The following MACROD2 variants were observed in gnomAD, a reference collection of about 807,000 sequenced individuals.
MACROD2 encodes mono-ADP ribosylhydrolase 2.
In MACROD2, 36 loss-of-function variants were observed where a neutral mutation model predicts 70.4. The observed-to-expected ratio is 0.51, with a 90% CI of 0.39 to 0.68. The LOEUF (loss-of-function observed/expected upper bound fraction) is 0.68. Among genes scored for constraint, MACROD2 ranks in the 30% least tolerant of loss-of-function variants. The probability of loss-of-function intolerance (pLI) is 0.00; values close to 1 mark genes in which losing one functional copy is unlikely to be tolerated. For missense variants in MACROD2, 496 were observed against 538.4 expected (o/e 0.92, Z 0.78); for synonymous variants, 172 against 178.8 (o/e 0.96, Z 0.30).
At chr20:15,066,879 C>T (rs561546226) in intron 5 of MACROD2, among the ~76,000 whole-genome samples, 303 of 144,494 alleles carry the variant, frequency 2.1e-3, no homozygotes, top group Middle Eastern at 3.6e-3. Context: ...GAGACTCTGT[C>T]TCGAAAAAAA....
intron 6 of MACROD2, among the ~76,000 whole-genome samples, chr20:15,378,547 A>G (rs1243673943): frequency 1.3e-5 from 2 of 152,188 alleles, no homozygotes; most frequent in Non-Finnish European, 2.9e-5. Context: ...TTGTGCTCCA[A>G]TAAAGTCTAT....
At chr20:14,403,462 A>T (rs988744859) in intron 3 of MACROD2, among the ~76,000 whole-genome samples, 4 of 152,214 alleles carry the variant, frequency 2.6e-5, no homozygotes, top group African/African-American at 9.6e-5. Flanking sequence ...TATAAATGTG[A>T]AACTCTTCAG....
At chr20:15,817,796 T>A (rs1199641823) in intron 8 of MACROD2, among the ~76,000 whole-genome samples, 2 of 152,174 alleles carry the variant, frequency 1.3e-5, no homozygotes, top group African/African-American at 4.8e-5. Flanking sequence ...AATTGCAATT[T>A]TAATTGGGTT....
chr20:16,005,214 C>T (rs1044880331), intron 15 of MACROD2, among the ~76,000 whole-genome samples: 3 of 152,172 alleles, frequency 2.0e-5, no homozygotes, highest in Admixed American at 1.3e-4. Context: ...GCTCAACTTG[C>T]GGAAGTTCCC....
intron 3 of MACROD2, among the ~76,000 whole-genome samples, chr20:14,345,849 C>A (rs1450691543): frequency 6.6e-6 from 1 of 151,790 alleles, no homozygotes; most frequent in East Asian, 1.9e-4. Context: ...CACCTGTTAT[C>A]CCAGCACTTT....
At chr20:14,667,481 A>T (rs1440031987) in intron 4 of MACROD2, among the ~76,000 whole-genome samples, 1 of 152,164 alleles carries the variant, frequency 6.6e-6, no homozygotes, top group Non-Finnish European at 1.5e-5. Flanking sequence ...TAGGATGAGA[A>T]AGTTTGTACT....
intron 2 of MACROD2, among the ~76,000 whole-genome samples, chr20:14,040,766 A>T (rs2053379602): frequency 6.6e-6 from 1 of 152,236 alleles, no homozygotes; most frequent in Non-Finnish European, 1.5e-5. Context: ...ATTAGGCAGT[A>T]GGAATTTTTC....
intron 8 of MACROD2, among the ~76,000 whole-genome samples, chr20:15,751,308 A>G (rs2051265481): frequency 2.0e-5 from 3 of 152,056 alleles, no homozygotes; most frequent in South Asian, 2.1e-4. Context: ...TAAAACAATA[A>G]CATGATTCAG....
chr20:14,733,080 T>G (rs1403585647), intron 5 of MACROD2, among the ~76,000 whole-genome samples: 1 of 152,198 alleles, frequency 6.6e-6, no homozygotes, highest in East Asian at 1.9e-4. Flanking sequence ...TTATGTCTAC[T>G]TTCTTATGAA....
chr20:14,985,030 G>A (rs1017031872), intron 5 of MACROD2, among the ~76,000 whole-genome samples: 14 of 152,096 alleles, frequency 9.2e-5, no homozygotes, highest in Admixed American at 7.9e-4. Flanking sequence ...TACTTCACAC[G>A]GCCATTCTGA....
chr20:14,023,502 T>C (rs938268239), intron 2 of MACROD2, among the ~76,000 whole-genome samples: 3 of 152,206 alleles, frequency 2.0e-5, no homozygotes, highest in African/African-American at 7.2e-5. Flanking sequence ...GGTATTCTTC[T>C]AGGTTTTATT....
intron 3 of MACROD2, among the ~76,000 whole-genome samples, chr20:14,461,513 A>C (rs1280689774): frequency 2.1e-5 from 3 of 145,306 alleles, no homozygotes; most frequent in African/African-American, 7.7e-5. Context: ...TTTTTTTTTT[A>C]TTATACTTTA....
At chr20:14,354,601 G>T (rs1307369122) in intron 3 of MACROD2, among the ~76,000 whole-genome samples, 1 of 151,920 alleles carries the variant, frequency 6.6e-6, no homozygotes, top group Non-Finnish European at 1.5e-5. Flanking sequence ...TGTAGAATTG[G>T]GTCTTTTTCA....
chr20:15,441,103 C>T (rs1391879713), intron 7 of MACROD2, among the ~76,000 whole-genome samples: 1 of 152,144 alleles, frequency 6.6e-6, no homozygotes, highest in African/African-American at 2.4e-5. Context: ...GGAGAGACAA[C>T]TTGACAGACA....
At chr20:15,444,265 C>T (rs1312510528) in intron 7 of MACROD2, among the ~76,000 whole-genome samples, 2 of 152,104 alleles carry the variant, frequency 1.3e-5, no homozygotes, top group East Asian at 1.9e-4. Context: ...TATTAGTGTT[C>T]CTTTGTATCA....
At chr20:14,616,801 G>T (rs1203556400) in intron 4 of MACROD2, among the ~76,000 whole-genome samples, 1 of 151,986 alleles carries the variant, frequency 6.6e-6, no homozygotes, top group Non-Finnish European at 1.5e-5. Context: ...TCATCTTAAT[G>T]TCTAGGGTAT....
chr20:14,470,524 G>C (rs1452468337), intron 3 of MACROD2, among the ~76,000 whole-genome samples: 1 of 152,122 alleles, frequency 6.6e-6, no homozygotes, highest in Non-Finnish European at 1.5e-5. Context: ...TGCGACCATA[G>C]CCGCCCCTAC....
chr20:14,776,670 A>C (rs187372706), intron 5 of MACROD2, among the ~76,000 whole-genome samples: 1 of 152,184 alleles, frequency 6.6e-6, no homozygotes, highest in African/African-American at 2.4e-5. Context: ...AGATGACAAT[A>C]TATTTTCATA....
At chr20:15,371,429 A>G (rs957999577) in intron 6 of MACROD2, among the ~76,000 whole-genome samples, 6 of 152,112 alleles carry the variant, frequency 3.9e-5, no homozygotes, top group African/African-American at 1.2e-4. Flanking sequence ...ACAATGTTAG[A>G]TTGTATTTTG....
Sources: gnomAD v4.1 joint callset for allele counts (sites outside exome capture counted in the v4.1 genomes callset) on GRCh38, gnomAD v4.1.1 for gene constraint, MANE v1.5 for transcripts, NCBI Gene and HGNC (gene_info 2026-07-23, HGNC 2026-07-21) for gene names.